Variants in MMS22L observed in about 807,000 individuals in gnomAD.
MMS22L encodes the protein protein MMS22-like.
MMS22L carries 74 observed loss-of-function variants against 159.1 expected under a neutral mutation model. The observed-to-expected ratio is 0.47, with a 90% CI of 0.39 to 0.56. The LOEUF (loss-of-function observed/expected upper bound fraction) is 0.56. Ranked by LOEUF, MMS22L falls within the 20% of genes least tolerant of loss-of-function variation. The pLI is 0.00. For synonymous variants in MMS22L, 517 were observed against 506.9 expected, an observed-to-expected ratio of 1.02 and a Z score of -0.27; for missense variants, 1,351 against 1,422.1, an observed-to-expected ratio of 0.95 and a Z score of 0.80.
chr6:97,268,458 G>T (rs1198630386), intron 7 of MMS22L, among the ~76,000 whole-genome samples: 6 of 151,960 alleles, frequency 3.9e-5, no homozygotes, highest in African/African-American at 1.4e-4. Flanking sequence ...AAAGTGCTGG[G>T]ATTACAGGCG....
At chr6:97,191,438 T>C (rs1043163287) in intron 14 of MMS22L, among the ~76,000 whole-genome samples, 3 of 152,224 alleles carry the variant, frequency 2.0e-5, no homozygotes, top group African/African-American at 7.2e-5. Context: ...TAATACATGA[T>C]GCCTCAAAGT....
chr6:97,190,301 G>C (rs1192397690), intron 14 of MMS22L, among the ~76,000 whole-genome samples: 1 of 152,130 alleles, frequency 6.6e-6, no homozygotes, highest in East Asian at 1.9e-4. Context: ...TATGTAAGTA[G>C]ATTTTTTGCA....
At chr6:97,252,574 G>A (rs1183138858) in intron 10 of MMS22L, among the ~76,000 whole-genome samples, 7 of 151,610 alleles carry the variant, frequency 4.6e-5, no homozygotes, top group African/African-American at 1.7e-4. Context: ...GAACCCGTGA[G>A]GCAGAGTTTG....
chr6:97,215,879 A>C (rs781372616), intron 14 of MMS22L, among the ~76,000 whole-genome samples: 10 of 152,188 alleles, frequency 6.6e-5, no homozygotes, highest in Non-Finnish European at 1.0e-4. Context: ...AAATGGAATA[A>C]AGAAAATTGC....
Position 97,144,806 on chromosome 6 carries a change from C to T in MMS22L, c.*2000G>A, listed in dbSNP as rs1800824124. On this transcript the variant is annotated 3_prime_UTR_variant, in exon 25 of 25. Transcript: ENST00000683635. ...TAAAAAAAAGCTTTAAAAAAAGTTACTTATACATAAATACAAAACATATAA... is the reference window on the plus strand; with the variant it reads ...TAAAAAAAAGCTTTAAAAAAAGTTATTTATACATAAATACAAAACATATAA... 1 of 151,952 alleles carries T rather than the reference C, an allele frequency of 6.6e-6. No individual in the cohort carries two copies. Among genetic ancestry groups the T allele is most frequent in the Admixed American group, 6.6e-5 (1 of 15,266 alleles). The allele number at this position is 151,952 out of a possible 1,614,324, so 9.4% of individuals were successfully genotyped here. A position where few individuals can be genotyped will look rare whatever the true frequency, so the allele number is the denominator to read the frequency against.
In MMS22L at chr6:97,231,481, C is replaced by A; in HGVS notation, c.1474G>T (p.Val492Phe). The A allele has an allele frequency of 2.5e-6, 4 of 1,613,700 alleles. No individual in the cohort carries two copies. The highest frequency in any genetic ancestry group is 3.4e-6 in the Non-Finnish European group (4 of 1,179,804). ...TIFLCILAKV[V>F]KKAMKSNGPH... ...CCATTGCTCTTCATTGCTTTTTTAA[C>A]AACTTTTGCCAGAATACAAAGAAAA... The change falls in exon 13 of 25, where the codon GTT (valine) becomes TTT (phenylalanine). Residue 492 changes from valine (V) to phenylalanine (F), a missense_variant. Transcript: ENST00000683635.
At chr6:97,198,323 C>T (rs1382751777) in intron 14 of MMS22L, among the ~76,000 whole-genome samples, 2 of 152,142 alleles carry the variant, frequency 1.3e-5, no homozygotes, top group African/African-American at 4.8e-5. Flanking sequence ...CTGTTCTAGT[C>T]TCGGCCTTTA....
At chr6:97,204,295 C>T (rs1807513010) in intron 14 of MMS22L, among the ~76,000 whole-genome samples, 1 of 152,080 alleles carries the variant, frequency 6.6e-6, no homozygotes, top group Non-Finnish European at 1.5e-5. Flanking sequence ...CTAGGAATTC[C>T]TTTCAGTAGA....
At chr6:97,236,323 CAAAAAAAAAAAA>C (rs58792910) in intron 11 of MMS22L, among the ~76,000 whole-genome samples, 1 of 94,582 alleles carries the variant, frequency 1.1e-5, no homozygotes. Context: ...ACTCTTTCTC[CAAAAAAAAAAAA>C]AAAAAAAAGA....
chr6:97,194,235 T>C (rs779779235), intron 14 of MMS22L, among the ~76,000 whole-genome samples: 7 of 151,928 alleles, frequency 4.6e-5, no homozygotes, highest in Non-Finnish European at 5.9e-5. Context: ...TTTTTGCATA[T>C]TTAGTAAAGA....
In MMS22L at chr6:97,181,983, T is replaced by C. The variant is rs781013763; in HGVS notation, c.2305A>G (p.Ile769Val). ...TCATCCCAACCAAAAAGTTGAATAA[T>C]TGATATAACTGGCTGAGGCTGAAAA... ...SDFQPQPVIS[I>V]IQLFGWDDII... Residue 769 changes from isoleucine to valine, a missense_variant, in exon 16 of 25, where the codon ATT (isoleucine) becomes GTT (valine). Ile to Val is a conservative substitution (Grantham distance 29, BLOSUM62 3). Coordinates refer to ENST00000683635, the MANE Select transcript of MMS22L (RefSeq NM_001350599.2). The C allele has an allele frequency of 6.3e-5, 101 of 1,613,736 alleles. No individual in the cohort carries two copies. The highest frequency in any genetic ancestry group is 7.9e-5 in the Non-Finnish European group (93 of 1,179,824).
rs2128229110 is a variant in MMS22L, at chr6:97,146,588, G to A, written c.*218C>T. On this transcript the variant is annotated 3_prime_UTR_variant, in exon 25 of 25. Coordinates refer to ENST00000683635, the MANE Select transcript of MMS22L (RefSeq NM_001350599.2). ...AACTAAAATTTCATCAAGGTAGAATGCAGTTTTGTAAAAAGTTCCAAGGAT... is the reference window on the plus strand; with the variant it reads ...AACTAAAATTTCATCAAGGTAGAATACAGTTTTGTAAAAAGTTCCAAGGAT... 1 of 332,982 alleles carries A rather than the reference G, an allele frequency of 3.0e-6. No homozygotes were observed. The highest frequency in any genetic ancestry group is 2.2e-5 in the African/African-American group (1 of 46,136). The allele number at this position is 332,982 out of a possible 1,614,324, so 20.6% of individuals were successfully genotyped here.
In MMS22L at chr6:97,267,855, A is replaced by G. The variant is rs1242086369; in HGVS notation, c.828+17T>C. On this transcript the variant is annotated intron_variant, in intron 8 of 24. Coordinates refer to ENST00000683635, the MANE Select transcript of MMS22L (RefSeq NM_001350599.2). ...ACTGTCTTTAAGTCTCAAAAATACAAACTCTTAAAGCATTACCTTGTCGTA... is the reference window on the plus strand; with the variant it reads ...ACTGTCTTTAAGTCTCAAAAATACAGACTCTTAAAGCATTACCTTGTCGTA... The G allele has an allele frequency of 1.9e-6, 3 of 1,572,152 alleles. No homozygotes were observed. The highest frequency in any genetic ancestry group is 1.4e-5 in the African/African-American group (1 of 72,900).
At chr6:97,257,861 A>G (rs1813996180) in intron 9 of MMS22L, among the ~76,000 whole-genome samples, 1 of 152,210 alleles carries the variant, frequency 6.6e-6, no homozygotes, top group Non-Finnish European at 1.5e-5. Flanking sequence ...TTTCCCTTTT[A>G]TAATTGATAA....
At chr6:97,149,009 C>G (rs1317489568) in intron 24 of MMS22L, among the ~76,000 whole-genome samples, 2 of 152,172 alleles carry the variant, frequency 1.3e-5, no homozygotes, top group African/African-American at 4.8e-5. Context: ...TAAGTTACAA[C>G]TGTCTATAGT....
At position 97,144,508 on chromosome 6, in the gene MMS22L, TAAAAG is replaced by T. The variant is rs1800802483; in HGVS notation, c.*2293_*2297del. The T allele has an allele frequency of 2.0e-5, 3 of 152,146 alleles. No homozygotes were observed. The highest frequency in any genetic ancestry group is 2.0e-4 in the Admixed American group (3 of 15,264). The allele number at this position is 152,146 out of a possible 1,614,324, so 9.4% of individuals were successfully genotyped here. A position where few individuals can be genotyped will look rare whatever the true frequency, so the allele number is the denominator to read the frequency against. On this transcript the variant is annotated 3_prime_UTR_variant, in exon 25 of 25. Coordinates refer to ENST00000683635, the MANE Select transcript of MMS22L (RefSeq NM_001350599.2). ...TACCATTGTGGAAATGATGGGAAGA[TAAAAG>T]AAAATACAATTGTCACAGAGAGGAC... is the stretch of plus-strand genomic sequence containing the variant.
At chr6:97,162,208 A>C (rs977284068) in intron 21 of MMS22L, 43 bp from the exon 22 acceptor site, 3 of 1,544,662 alleles carry the variant, frequency 1.9e-6, no homozygotes, top group African/African-American at 2.8e-5. Flanking sequence ...TTAAAGCTTC[A>C]ATAGAGCAAG....
At chr6:97,271,454 A>G (rs1815726512) in intron 6 of MMS22L, 1 of 152,214 alleles carries the variant, frequency 6.6e-6, no homozygotes, top group Admixed American at 6.5e-5. Flanking sequence ...AGTCCAATTT[A>G]CAGAAACTAG....
At chr6:97,216,594 G>A (rs1439945490) in intron 14 of MMS22L, among the ~76,000 whole-genome samples, 1 of 152,128 alleles carries the variant, frequency 6.6e-6, no homozygotes, top group Non-Finnish European at 1.5e-5. Context: ...AATCTGTCAC[G>A]AATGGGATTT....
Sources: allele counts gnomAD v4.1 joint callset (sites outside exome capture counted in the v4.1 genomes callset), GRCh38; gene constraint gnomAD v4.1.1; transcripts MANE v1.5; gene names NCBI Gene and HGNC (gene_info 2026-07-23, HGNC 2026-07-21).